The following LRRC7 variants were observed in gnomAD, a reference collection of about 807,000 sequenced individuals.
The protein encoded by LRRC7 is leucine-rich repeat-containing protein 7.
A neutral mutation model predicts 175.7 loss-of-function variants in LRRC7; 23 were observed. The observed-to-expected ratio is 0.13, with a 90% CI of 0.09 to 0.19. LRRC7 has a LOEUF of 0.19. LRRC7 is among the 10% of genes least tolerant of loss of function. The pLI is 1.00. For synonymous variants in LRRC7, 685 were observed against 680.9 expected, an observed-to-expected ratio of 1.01 and a Z score of -0.09; for missense variants, 1,354 against 1,904.7, an observed-to-expected ratio of 0.71 and a Z score of 5.38.
intron 1 of LRRC7, among the ~76,000 whole-genome samples, chr1:69,650,073 A>T (rs1245072): frequency 0.13 from 19,227 of 152,150 alleles, 1,555 homozygotes; most frequent in South Asian, 0.18. Flanking sequence ...CTTTCTTCTA[A>T]TGAAACTCAA....
chr1:69,712,477 G>A (rs1468073013), intron 2 of LRRC7, among the ~76,000 whole-genome samples: 10 of 151,972 alleles, frequency 6.6e-5, no homozygotes, highest in African/African-American at 1.9e-4. Flanking sequence ...GGTGGTGGGC[G>A]CCTGTAATCC....
At chr1:69,984,854 A>T (rs2101895656) in intron 9 of LRRC7, among the ~76,000 whole-genome samples, 1 of 152,216 alleles carries the variant, frequency 6.6e-6, no homozygotes, top group South Asian at 2.1e-4. Context: ...CTTGCCTATA[A>T]AATAGAGTTT....
Position 69,980,375 on chromosome 1 carries a change from C to G in LRRC7, c.712-4C>G. The G allele has an allele frequency of 6.2e-7, 1 of 1,610,216 alleles. No homozygotes were observed. Among genetic ancestry groups the G allele is most frequent in the Non-Finnish European group, 8.5e-7 (1 of 1,177,862 alleles). ...TCTCTCCTTCCTCCCCACTTCTCTCCCAGCCTGAAGTTCTGGATCAAATAC... is the reference window on the plus strand; with the variant it reads ...TCTCTCCTTCCTCCCCACTTCTCTCGCAGCCTGAAGTTCTGGATCAAATAC... On this transcript the variant is annotated splice_polypyrimidine_tract_variant and splice_region_variant and intron_variant, in intron 8 of 26. Transcript: ENST00000651989.
intron 7 of LRRC7, among the ~76,000 whole-genome samples, chr1:69,873,027 A>C (rs1029265697): frequency 1.4e-4 from 22 of 152,170 alleles, no homozygotes; most frequent in African/African-American, 5.3e-4. Flanking sequence ...TCATAGTAAA[A>C]TATCAATGTG....
chr1:69,654,124 T>C (rs1255930529), intron 1 of LRRC7, among the ~76,000 whole-genome samples: 1 of 151,888 alleles, frequency 6.6e-6, no homozygotes, highest in Non-Finnish European at 1.5e-5. Context: ...TATTTTTTTT[T>C]TTTACCACAA....
chr1:70,115,336 C>G (rs905038010), intron 26 of LRRC7, among the ~76,000 whole-genome samples: 1 of 152,106 alleles, frequency 6.6e-6, no homozygotes, highest in Non-Finnish European at 1.5e-5. Context: ...TGTGTTTTTG[C>G]AGTCTTTTGT....
intron 1 of LRRC7, among the ~76,000 whole-genome samples, chr1:69,665,135 G>T (rs564934620): frequency 1.1e-3 from 163 of 152,092 alleles, no homozygotes; most frequent in African/African-American, 3.1e-3. Context: ...ATTTATCTCT[G>T]GGTTCTCCAT....
In LRRC7 at chr1:69,909,390, T is replaced by A. The variant is rs563501713; in HGVS notation, c.648-22117T>A. 7.2e-3 allele frequency among the ~76,000 whole-genome samples: 1,092 copies of A among 152,262 alleles called. 15 individuals are homozygous for A. Among genetic ancestry groups the A allele is most frequent in the African/African-American group, 0.025 (1,031 of 41,552 alleles). The stretch of plus-strand genomic sequence containing the variant: ...TTGATGGTCTTTACATTTTGGCATG[T>A]TTTTGCAGTGGCTGGTACCGGTTGT... On this transcript the variant is annotated intron_variant, in intron 7 of 26. Transcript: ENST00000651989.
chr1:70,006,540 C>T (rs1365304041), intron 11 of LRRC7, among the ~76,000 whole-genome samples: 1 of 151,750 alleles, frequency 6.6e-6, no homozygotes, highest in East Asian at 1.9e-4. Flanking sequence ...CAACACTCAA[C>T]ACAGACTAGT....
chr1:70,023,008 C>A (rs1266121505), intron 16 of LRRC7, 118 bp from the exon 17 acceptor site: 3 of 1,238,794 alleles, frequency 2.4e-6, no homozygotes, highest in Middle Eastern at 2.1e-4. Flanking sequence ...ACTTTATGAT[C>A]ATTATTTTAA....
intron 8 of LRRC7, among the ~76,000 whole-genome samples, chr1:69,947,753 G>A (rs1053267020): frequency 5.3e-5 from 8 of 151,846 alleles, no homozygotes; most frequent in Non-Finnish European, 1.0e-4. Context: ...CTGAAACTGT[G>A]GATAGTACCA....
chr1:69,583,347 CTAAT>C (rs1260625030), intron 1 of LRRC7, among the ~76,000 whole-genome samples: 4 of 151,900 alleles, frequency 2.6e-5, no homozygotes, highest in Non-Finnish European at 4.4e-5. Flanking sequence ...GAAATATAAT[CTAAT>C]TAATTAAATT....
intron 7 of LRRC7, among the ~76,000 whole-genome samples, chr1:69,860,008 T>A (rs939028968): frequency 6.6e-6 from 1 of 152,016 alleles, no homozygotes; most frequent in Non-Finnish European, 1.5e-5. Flanking sequence ...TTCTCTTTTT[T>A]CCCAGTGGTT....
chr1:70,086,355 G>A (rs147439391), intron 24 of LRRC7, among the ~76,000 whole-genome samples: 1 of 152,236 alleles, frequency 6.6e-6, no homozygotes, highest in African/African-American at 2.4e-5. Flanking sequence ...TGTAATTAGA[G>A]TAAGATTAAC....
At chr1:69,762,620 A>T (rs1169522064) in intron 3 of LRRC7, among the ~76,000 whole-genome samples, 1 of 152,000 alleles carries the variant, frequency 6.6e-6, no homozygotes, top group Non-Finnish European at 1.5e-5. Context: ...GACTCAGGTT[A>T]TGAAAGTTCT....
chr1:69,960,610 G>A (rs775092575), intron 8 of LRRC7, among the ~76,000 whole-genome samples: 39 of 148,634 alleles, frequency 2.6e-4, no homozygotes, highest in Non-Finnish European at 4.9e-4. Context: ...TTTTTTTTAT[G>A]TGAGCATTCA....
At chr1:69,841,643 C>T (rs191173269) in intron 7 of LRRC7, among the ~76,000 whole-genome samples, 1 of 152,082 alleles carries the variant, frequency 6.6e-6, no homozygotes, top group South Asian at 2.1e-4. Flanking sequence ...ACTTACCGCT[C>T]TCTATATGAT....
intron 25 of LRRC7, among the ~76,000 whole-genome samples, chr1:70,102,119 A>G (rs1343910368): frequency 6.6e-6 from 1 of 152,214 alleles, no homozygotes; most frequent in Non-Finnish European, 1.5e-5. Flanking sequence ...TCTATTAGCC[A>G]TTACTATAAA....
At chr1:70,001,892 A>G (rs1334080522) in intron 11 of LRRC7, among the ~76,000 whole-genome samples, 1 of 152,172 alleles carries the variant, frequency 6.6e-6, no homozygotes, top group African/African-American at 2.4e-5. Context: ...TAAAGGCCTC[A>G]TTAGCATTAT....
Sources: gnomAD v4.1 joint callset for allele counts (sites outside exome capture counted in the v4.1 genomes callset) on GRCh38, gnomAD v4.1.1 for gene constraint, MANE v1.5 for transcripts, NCBI Gene and HGNC (gene_info 2026-07-23, HGNC 2026-07-21) for gene names.